The following EFL1 variants were observed in gnomAD, a reference collection of about 807,000 sequenced individuals.
EFL1 encodes elongation factor like GTPase 1.
In EFL1, 76 loss-of-function variants were observed where a neutral mutation model predicts 126.7. The ratio of observed to expected loss-of-function variants is 0.60; its 90% CI spans 0.50 to 0.73. The LOEUF (loss-of-function observed/expected upper bound fraction) is 0.73. EFL1 is among the 30% of genes least tolerant of loss of function. EFL1 has a pLI of 0.00. For synonymous variants in EFL1, 410 were observed against 448.4 expected, an observed-to-expected ratio of 0.91 and a Z score of 1.08; for missense variants, 1,128 against 1,343.2, an observed-to-expected ratio of 0.84 and a Z score of 2.50.
intron 15 of EFL1, among the ~76,000 whole-genome samples, chr15:82,199,273 A>C (rs935585977): frequency 6.6e-6 from 1 of 152,212 alleles, no homozygotes; most frequent in Non-Finnish European, 1.5e-5. Flanking sequence ...ATTAGAATTA[A>C]CTTATGACAC....
intron 15 of EFL1, among the ~76,000 whole-genome samples, chr15:82,204,420 T>A (rs1185050872): frequency 1.3e-5 from 2 of 152,108 alleles, no homozygotes; most frequent in Non-Finnish European, 2.9e-5. Context: ...AATTTACCCC[T>A]GTCTTACAAC....
intron 15 of EFL1, among the ~76,000 whole-genome samples, chr15:82,165,565 C>T (rs1238071883): frequency 6.6e-6 from 1 of 152,140 alleles, no homozygotes; most frequent in Non-Finnish European, 1.5e-5. Flanking sequence ...GGTCTGACAG[C>T]CACTAGAATT....
At chr15:82,153,800 G>A (rs1211288137) in intron 17 of EFL1, among the ~76,000 whole-genome samples, 3 of 152,094 alleles carry the variant, frequency 2.0e-5, no homozygotes, top group Non-Finnish European at 2.9e-5. Context: ...AATAATCTAT[G>A]TAGCCACTTT....
chr15:82,240,683 A>T, intron 5 of EFL1, 128 bp from the exon 6 acceptor site: 1 of 1,035,204 alleles, frequency 9.7e-7, no homozygotes, highest in Non-Finnish European at 1.4e-6. Flanking sequence ...GCATTCACAA[A>T]CTATGTATAC....
intron 15 of EFL1, among the ~76,000 whole-genome samples, chr15:82,206,728 A>G (rs2074528799): frequency 6.6e-6 from 1 of 152,140 alleles, no homozygotes; most frequent in African/African-American, 2.4e-5. Context: ...AGAAACAGTA[A>G]AAAGAACCTG....
intron 15 of EFL1, among the ~76,000 whole-genome samples, chr15:82,182,095 T>A (rs988914569): frequency 6.6e-6 from 1 of 151,960 alleles, no homozygotes; most frequent in African/African-American, 2.4e-5. Context: ...CCATTTTTAC[T>A]AAAAATACAA....
Position 82,151,592 on chromosome 15 carries a change from A to G in EFL1, c.2862T>C (p.Tyr954=), listed in dbSNP as rs1172323783. Residue 954 remains tyrosine, a synonymous_variant, in exon 18 of 20, where the codon TAT becomes TAC. Transcript: ENST00000268206. ...CAATTAGCTGTCCTGAGAAAGGTCC[A>G]TAGCAGTCAGTGAGTGGAGATTCTC... is the stretch of plus-strand genomic sequence containing the variant. ...QKGESPLTDC[Y]GPFSGQLIAT... is the part of the protein sequence containing the mutation. The G allele has an allele frequency of 1.9e-6, 3 of 1,614,060 alleles. No homozygotes were observed. The highest frequency in any genetic ancestry group is 2.2e-5 in the East Asian group (1 of 44,888).
chr15:82,206,080 C>T (rs11854728), intron 15 of EFL1, among the ~76,000 whole-genome samples: 2,011 of 152,204 alleles, frequency 0.013, 44 homozygotes, highest in African/African-American at 0.046. Flanking sequence ...AACTGTAATC[C>T]ACTAGTCGCA....
intron 15 of EFL1, among the ~76,000 whole-genome samples, chr15:82,182,225 C>T (rs1038489970): frequency 3.3e-5 from 5 of 152,224 alleles, no homozygotes; most frequent in African/African-American, 1.2e-4. Flanking sequence ...CCACTGCACT[C>T]TCCAGCCTAG....
intron 12 of EFL1, among the ~76,000 whole-genome samples, chr15:82,222,480 G>A (rs1240179069): frequency 6.6e-6 from 1 of 152,194 alleles, no homozygotes; most frequent in Non-Finnish European, 1.5e-5. Flanking sequence ...TTCACTTGCA[G>A]ATTAAATCCT....
At chr15:82,226,036 G>A (rs2074760118) in intron 11 of EFL1, among the ~76,000 whole-genome samples, 2 of 152,216 alleles carry the variant, frequency 1.3e-5, no homozygotes, top group African/African-American at 4.8e-5. Context: ...AGCTTTGAAT[G>A]AGGAACAGAA....
At chr15:82,183,968 G>A (rs537754407) in intron 15 of EFL1, among the ~76,000 whole-genome samples, 1 of 152,292 alleles carries the variant, frequency 6.6e-6, no homozygotes, top group Admixed American at 6.5e-5. Flanking sequence ...CTTCATGCCT[G>A]TGTCCATGGT....
At chr15:82,202,431 TTTG>T (rs1481809764) in intron 15 of EFL1, among the ~76,000 whole-genome samples, 3 of 152,226 alleles carry the variant, frequency 2.0e-5, no homozygotes, top group Non-Finnish European at 4.4e-5. Flanking sequence ...TGGAGGTCTA[TTTG>T]TTAATTATAA....
At chr15:82,177,611 G>A (rs983073117) in intron 15 of EFL1, among the ~76,000 whole-genome samples, 1 of 152,092 alleles carries the variant, frequency 6.6e-6, no homozygotes, top group Admixed American at 6.5e-5. Context: ...ATTGGAAGAC[G>A]CTCAAAAAGG....
chr15:82,173,868 T>C (rs947827527), intron 15 of EFL1, among the ~76,000 whole-genome samples: 2 of 152,180 alleles, frequency 1.3e-5, no homozygotes, highest in African/African-American at 4.8e-5. Flanking sequence ...ATTTTTATGA[T>C]GATAAAACAA....
chr15:82,216,684 A>C (rs1452077966), intron 14 of EFL1, among the ~76,000 whole-genome samples: 1 of 152,184 alleles, frequency 6.6e-6, no homozygotes, highest in Non-Finnish European at 1.5e-5. Context: ...CTTCTTTGCA[A>C]ACAATGAATT....
intron 15 of EFL1, among the ~76,000 whole-genome samples, chr15:82,190,557 G>A (rs77183503): frequency 0.036 from 5,493 of 152,224 alleles, 150 homozygotes; most frequent in African/African-American, 0.076. Flanking sequence ...TAGTGTGTAA[G>A]TGTTCAAATC....
intron 15 of EFL1, among the ~76,000 whole-genome samples, chr15:82,164,686 A>G (rs1485056314): frequency 1.3e-5 from 2 of 151,766 alleles, no homozygotes; most frequent in East Asian, 3.9e-4. Context: ...TCACAAGGTC[A>G]GGAGATCGAG....
At chr15:82,226,956 T>C (rs1198348827) in intron 11 of EFL1, among the ~76,000 whole-genome samples, 3 of 151,998 alleles carry the variant, frequency 2.0e-5, no homozygotes, top group African/African-American at 7.3e-5. Context: ...CGAAAGTGTT[T>C]CAAGGAGGAG....
Sources: allele counts gnomAD v4.1 joint callset (sites outside exome capture counted in the v4.1 genomes callset), GRCh38; gene constraint gnomAD v4.1.1; transcripts MANE v1.5; gene names NCBI Gene and HGNC (gene_info 2026-07-23, HGNC 2026-07-21).